CDIN1: variants seen among roughly 807,000 people sequenced by gnomAD.
The protein encoded by CDIN1 is CDAN1 interacting nuclease 1.
In CDIN1, 33 loss-of-function variants were observed where a neutral mutation model predicts 45.3. The observed-to-expected ratio is 0.73, with a 90% confidence interval of 0.55 to 0.97. The LOEUF is 0.97. CDIN1 is among the 50% of genes least tolerant of loss of function. The pLI, the probability that CDIN1 is intolerant of heterozygous loss-of-function variation, is 0.00. For missense variants in CDIN1, 303 were observed against 339.4 expected, an observed-to-expected ratio of 0.89 and a Z score of 0.84; for synonymous variants, 118 against 124.4, an observed-to-expected ratio of 0.95 and a Z score of 0.34.
chr15:36,784,453 A>G (rs2054435887), intron 10 of CDIN1, among the ~76,000 whole-genome samples: 1 of 152,254 alleles, frequency 6.6e-6, no homozygotes, highest in Non-Finnish European at 1.5e-5. Flanking sequence ...CTCCCTTGCC[A>G]TCCACAGATA....
rs189862709 is a variant in CDIN1, at chr15:36,583,087, A to G, written c.101+3126A>G. On this transcript the variant is annotated intron_variant, in intron 1 of 10. Transcript: ENST00000566621. ...TCATATTTGTTGCATAAATTTTCTC[A>G]GTTGTTTGATTTTAAATATTGTTCT... Among the ~76,000 whole-genome samples, 419 of 151,888 alleles carry G rather than the reference A, an allele frequency of 2.8e-3. 2 individuals carry two copies. The highest frequency in any genetic ancestry group is 9.3e-3 in the African/African-American group (385 of 41,394).
At chr15:36,634,365 A>G (rs2039807959) in intron 1 of CDIN1, among the ~76,000 whole-genome samples, 1 of 152,222 alleles carries the variant, frequency 6.6e-6, no homozygotes, top group South Asian at 2.1e-4. Context: ...CAGAGGTTGC[A>G]GTGAGCCTTG....
At chr15:36,774,514 T>C (rs1335148952) in intron 10 of CDIN1, among the ~76,000 whole-genome samples, 3 of 152,120 alleles carry the variant, frequency 2.0e-5, no homozygotes, top group African/African-American at 7.2e-5. Flanking sequence ...AGTTTTTCTC[T>C]GAAGGGTAGG....
intron 10 of CDIN1, among the ~76,000 whole-genome samples, chr15:36,804,379 G>A (rs573248473): frequency 4.6e-5 from 7 of 152,036 alleles, no homozygotes; most frequent in Non-Finnish European, 5.9e-5. Context: ...CTCTAGACTC[G>A]CACTGATTCA....
At chr15:36,778,140 C>T (rs2054265976) in intron 10 of CDIN1, among the ~76,000 whole-genome samples, 1 of 152,064 alleles carries the variant, frequency 6.6e-6, no homozygotes. Context: ...AGTATAAGAC[C>T]TCTGTTTTTA....
At chr15:36,712,351 C>T (rs887499668) in intron 10 of CDIN1, among the ~76,000 whole-genome samples, 4 of 148,474 alleles carry the variant, frequency 2.7e-5, no homozygotes, top group African/African-American at 1.0e-4. Flanking sequence ...CTGAAACCTC[C>T]ACCTCCCGGG....
At chr15:36,720,754 T>C (rs902970203) in intron 10 of CDIN1, among the ~76,000 whole-genome samples, 2 of 152,192 alleles carry the variant, frequency 1.3e-5, no homozygotes, top group Non-Finnish European at 2.9e-5. Flanking sequence ...GCATGTGTCC[T>C]TATAGTAGCA....
intron 10 of CDIN1, among the ~76,000 whole-genome samples, chr15:36,788,091 TATATA>T (rs2054539942): frequency 8.4e-5 from 1 of 11,958 alleles, no homozygotes; most frequent in Admixed American, 1.4e-3. Flanking sequence ...TATATATATA[TATATA>T]TATATATATA....
intron 8 of CDIN1, chr15:36,702,074 G>C (rs984369792): frequency 4.3e-6 from 3 of 702,234 alleles, no homozygotes; most frequent in Non-Finnish European, 7.8e-6. Flanking sequence ...GTGTGTACAC[G>C]CAGATGTCAG....
intron 10 of CDIN1, among the ~76,000 whole-genome samples, chr15:36,805,391 C>G (rs1483830063): frequency 6.6e-6 from 1 of 152,178 alleles, no homozygotes; most frequent in Non-Finnish European, 1.5e-5. Flanking sequence ...GACCCAAGGA[C>G]TCTCTTTTCT....
At chr15:36,703,848 C>T (rs906359192) in intron 8 of CDIN1, among the ~76,000 whole-genome samples, 15 of 152,082 alleles carry the variant, frequency 9.9e-5, no homozygotes, top group Admixed American at 9.8e-4. Context: ...TCAGTGACTA[C>T]AGCTAAAAAG....
chr15:36,599,876 A>G (rs1354644307), intron 1 of CDIN1, among the ~76,000 whole-genome samples: 4 of 152,184 alleles, frequency 2.6e-5, no homozygotes, highest in Non-Finnish European at 5.9e-5. Flanking sequence ...AGAATTTGAC[A>G]CAGTGCTGTC....
chr15:36,703,219 A>AATATATATATATATATCAGATATATAT (rs71126233), intron 8 of CDIN1, among the ~76,000 whole-genome samples: 1 of 57,364 alleles, frequency 1.7e-5, no homozygotes, highest in African/African-American at 8.0e-5. Flanking sequence ...CCCTGTCTCA[A>AATATATATATATATATCAGATATATAT]ATATATATAT....
At chr15:36,781,021 C>A (rs900536460) in intron 10 of CDIN1, among the ~76,000 whole-genome samples, 5 of 152,276 alleles carry the variant, frequency 3.3e-5, no homozygotes, top group African/African-American at 1.2e-4. Context: ...CAGGATATCA[C>A]CAATGAGTAT....
chr15:36,801,010 G>T (rs2055026997), intron 10 of CDIN1, among the ~76,000 whole-genome samples: 1 of 144,560 alleles, frequency 6.9e-6, no homozygotes, highest in Non-Finnish European at 1.5e-5. Flanking sequence ...AAAAATTTGG[G>T]CTAGGAATGA....
At chr15:36,803,657 T>C (rs1476288054) in intron 10 of CDIN1, among the ~76,000 whole-genome samples, 1 of 152,248 alleles carries the variant, frequency 6.6e-6, no homozygotes, top group East Asian at 1.9e-4. Flanking sequence ...TCTTGGCTAC[T>C]TTCAAGCATT....
intron 5 of CDIN1, among the ~76,000 whole-genome samples, chr15:36,665,894 A>G (rs1474065349): frequency 6.6e-6 from 1 of 152,072 alleles, no homozygotes; most frequent in Non-Finnish European, 1.5e-5. Context: ...ACATATATTG[A>G]TACATAAGAA....
chr15:36,726,682 A>AC (rs2043638587), intron 10 of CDIN1, among the ~76,000 whole-genome samples: 1 of 152,122 alleles, frequency 6.6e-6, no homozygotes, highest in African/African-American at 2.4e-5. Flanking sequence ...CTTGTTTCTA[A>AC]CCATTCTCCA....
chr15:36,657,971 C>T, intron 5 of CDIN1, 66 bp downstream of exon 5: 1 of 1,354,826 alleles, frequency 7.4e-7, no homozygotes, highest in Non-Finnish European at 1.0e-6. Flanking sequence ...ATAATTTACA[C>T]AGCATTTCAA....
Sources: allele counts gnomAD v4.1 joint callset (sites outside exome capture counted in the v4.1 genomes callset), GRCh38; gene constraint gnomAD v4.1.1; transcripts MANE v1.5; gene names NCBI Gene and HGNC (gene_info 2026-07-23, HGNC 2026-07-21).